Variants in GABRA3 observed in about 807,000 individuals in gnomAD.
The protein encoded by GABRA3 is gamma-aminobutyric acid type A receptor subunit alpha3, also known as gamma-aminobutyric acid receptor subunit alpha-3.
A neutral mutation model predicts 30.1 loss-of-function variants in GABRA3; 10 were observed. The ratio of observed to expected loss-of-function variants is 0.33; its 90% CI spans 0.20 to 0.56. The LOEUF (loss-of-function observed/expected upper bound fraction) is 0.56. GABRA3 is among the 20% of genes least tolerant of loss of function. GABRA3 has a pLI of 0.89. For missense variants in GABRA3, 233 were observed against 392.0 expected, an observed-to-expected ratio of 0.59 and a Z score of 3.42; for synonymous variants, 151 against 146.8, an observed-to-expected ratio of 1.03 and a Z score of -0.21.
chrX:152,216,682 G>A (rs1937731330), intron 6 of GABRA3, among the ~76,000 whole-genome samples: 1 of 109,358 alleles, frequency 9.1e-6, no homozygotes, highest in Non-Finnish European at 1.9e-5. Context: ...GGTTAATGGA[G>A]GGAGATTGAT....
intron 3 of GABRA3, among the ~76,000 whole-genome samples, chrX:152,319,459 CA>C (rs1329260303): frequency 9.0e-6 from 1 of 111,548 alleles, no homozygotes; most frequent in African/African-American, 3.3e-5. Flanking sequence ...ACAAAGCAAG[CA>C]AAAACATAAA....
chrX:152,365,943 A>T (rs1367007312), intron 1 of GABRA3, among the ~76,000 whole-genome samples: 2 of 111,928 alleles, frequency 1.8e-5, no homozygotes, highest in African/African-American at 6.5e-5. Context: ...AATTGCCAAT[A>T]TTTCACAATT....
At position 152,182,564 on chromosome X, in the gene GABRA3, T is replaced by TATAC. The variant is rs1444132212; in HGVS notation, c.1143+7165_1143+7166insGTAT. Among the ~76,000 whole-genome samples the TATAC allele has an allele frequency of 3.9e-3, 120 of 30,491 alleles. 4 individuals are homozygous for TATAC. Among genetic ancestry groups the TATAC allele is most frequent in the African/African-American group, 0.015 (114 of 7,832 alleles). 26.5% of individuals were successfully genotyped at this position (30,491 alleles called of 115,157 possible). ...ATAGTGTATATATACACTATATATA[T>TATAC]ACTATATATGCATATATAGTGTATA... On this transcript the variant is annotated intron_variant, in intron 9 of 9. Coordinates refer to ENST00000370314, the MANE Select transcript of GABRA3 (RefSeq NM_000808.4).
At chrX:152,385,550 C>T (rs1460242368) in intron 1 of GABRA3, among the ~76,000 whole-genome samples, 1 of 111,970 alleles carries the variant, frequency 8.9e-6, no homozygotes, top group Non-Finnish European at 1.9e-5. Flanking sequence ...GTTGCCTGTT[C>T]ACTCTGATGG....
chrX:152,414,174 A>G (rs1319796828), intron 1 of GABRA3, among the ~76,000 whole-genome samples: 1 of 111,461 alleles, frequency 9.0e-6, no homozygotes. Context: ...AAACCTGTAC[A>G]TGGATGTTCA....
chrX:152,390,373 T>C (rs1450987942), intron 1 of GABRA3, among the ~76,000 whole-genome samples: 2 of 112,556 alleles, frequency 1.8e-5, no homozygotes, highest in African/African-American at 6.4e-5. Context: ...ACATGAATGA[T>C]GGCTATCTCA....
At chrX:152,271,395 T>C (rs1271745149) in intron 4 of GABRA3, among the ~76,000 whole-genome samples, 1 of 112,300 alleles carries the variant, frequency 8.9e-6, no homozygotes. Context: ...CTTGCTATGC[T>C]TTAGCAAAGA....
rs1233425366 is a variant in GABRA3, at chrX:152,199,334, C to G, written c.779-1549G>C. 3.8e-5 allele frequency among the ~76,000 whole-genome samples: 4 copies of G among 103,976 alleles called. No individual in the cohort carries two copies. The Admixed American group carries it at 4.1e-4, about 11-fold the overall frequency. The allele number at this position is 103,976 out of a possible 115,157, so 90.3% of individuals were successfully genotyped here. Reference sequence around the variant, plus strand: ...TGAGCCAAGGTCGTGCCACTGCACTCCAGCCTGGGCAACAGGCGAGACTCT... The same window carrying G: ...TGAGCCAAGGTCGTGCCACTGCACTGCAGCCTGGGCAACAGGCGAGACTCT... On this transcript the variant is annotated intron_variant, in intron 7 of 9. Coordinates refer to ENST00000370314, the MANE Select transcript of GABRA3 (RefSeq NM_000808.4).
intron 8 of GABRA3, among the ~76,000 whole-genome samples, chrX:152,191,557 G>A (rs1181459789): frequency 9.2e-6 from 1 of 108,320 alleles, no homozygotes; most frequent in Non-Finnish European, 1.9e-5. Context: ...CTTAGCCTGG[G>A]TCAAGTGGGG....
intron 5 of GABRA3, 28 bp from the exon 6 acceptor site, chrX:152,224,873 A>G (rs1569360821): frequency 5.8e-6 from 6 of 1,029,289 alleles, no homozygotes; most frequent in Non-Finnish European, 8.1e-6. Flanking sequence ...AGAAAATGAA[A>G]TTAAGCTAAA....
intron 5 of GABRA3, among the ~76,000 whole-genome samples, chrX:152,238,960 A>C (rs1388799199): frequency 2.7e-5 from 3 of 110,726 alleles, no homozygotes; most frequent in Non-Finnish European, 3.8e-5. Context: ...GGATTCATTG[A>C]TTTTTTGAAG....
chrX:152,402,658 G>T (rs768814429), intron 1 of GABRA3, among the ~76,000 whole-genome samples: 149 of 110,867 alleles, frequency 1.3e-3, no homozygotes, highest in Non-Finnish European at 2.3e-3. Flanking sequence ...AAACCTTCAG[G>T]ATAATAAAGA....
rs1936943875 is a variant in GABRA3 at position 152,166,960 on chromosome X, G to GT, written c.*1267dup. 1 of 110,275 alleles carries GT rather than the reference G, an allele frequency of 9.1e-6. No individual in the cohort carries two copies. The highest frequency in any genetic ancestry group is 2.9e-4 in the East Asian group (1 of 3,483). 9.1% of individuals were successfully genotyped at this position (110,275 alleles called of 1,213,427 possible). The stretch of plus-strand genomic sequence containing the variant: ...AGTTTATCTACCTTATAAAAATTGC[G>GT]TATTTATGCCTGTGTCTTTTACTCA... On this transcript the variant is annotated 3_prime_UTR_variant, in exon 10 of 10. Coordinates refer to ENST00000370314, the MANE Select transcript of GABRA3 (RefSeq NM_000808.4).
chrX:152,209,419 G>A (rs1382236893), intron 6 of GABRA3, among the ~76,000 whole-genome samples: 1 of 111,361 alleles, frequency 9.0e-6, no homozygotes, highest in Non-Finnish European at 1.9e-5. Flanking sequence ...GCTCATAAAG[G>A]GAAGCTGACC....
rs1450621094 is a variant in GABRA3, at chrX:152,412,032, T to A, written c.-27+39114A>T. On this transcript the variant is annotated intron_variant, in intron 1 of 9. Transcript: ENST00000370314. ...GGGCTAAGGAATGAATAAACATTTC[T>A]CCAAAAAAAGATACAGAAATGACCA... 4.5e-5 allele frequency among the ~76,000 whole-genome samples: 5 copies of A among 110,920 alleles called. No individual in the cohort carries two copies. The Admixed American group carries it at 4.8e-4, about 11-fold the overall frequency.
intron 3 of GABRA3, among the ~76,000 whole-genome samples, chrX:152,309,087 T>G (rs1395949211): frequency 8.9e-6 from 1 of 112,184 alleles, no homozygotes; most frequent in East Asian, 2.8e-4. Context: ...GCAAAAATCT[T>G]TTTAAAAGAA....
At chrX:152,195,242 T>C (rs1055154791) in intron 8 of GABRA3, among the ~76,000 whole-genome samples, 7 of 112,112 alleles carry the variant, frequency 6.2e-5, no homozygotes, top group African/African-American at 2.3e-4. Context: ...AAATGAATTA[T>C]CAAGGAATCT....
intron 5 of GABRA3, among the ~76,000 whole-genome samples, chrX:152,244,665 G>A (rs1938434058): frequency 9.0e-6 from 1 of 111,304 alleles, no homozygotes; most frequent in South Asian, 3.8e-4. Context: ...TTCGACCCAC[G>A]GAGAGTGACA....
intron 4 of GABRA3, among the ~76,000 whole-genome samples, chrX:152,265,665 G>T (rs981523777): frequency 3.6e-5 from 4 of 111,227 alleles, no homozygotes; most frequent in African/African-American, 1.3e-4. Context: ...AGAAATAAAT[G>T]AAACTTTAAT....
Sources: allele counts gnomAD v4.1 joint callset (sites outside exome capture counted in the v4.1 genomes callset), GRCh38; gene constraint gnomAD v4.1.1; transcripts MANE v1.5; gene names NCBI Gene and HGNC (gene_info 2026-07-23, HGNC 2026-07-21).